Variants in SKAP2 observed in about 807,000 individuals in gnomAD.
SKAP2 encodes src kinase associated phosphoprotein 2.
Under a neutral mutation model 54.9 loss-of-function variants are expected in SKAP2, and 28 were observed. That is an observed-to-expected ratio of 0.51 (90% confidence interval 0.38 to 0.70). SKAP2 has a LOEUF of 0.70. Ranked by LOEUF, SKAP2 falls within the 30% of genes least tolerant of loss-of-function variation. The probability of loss-of-function intolerance (pLI) is 0.00; values close to 1 mark genes in which losing one functional copy is unlikely to be tolerated. For synonymous variants in SKAP2, 137 were observed against 134.3 expected (o/e 1.02, Z -0.14); for missense variants, 356 against 424.1 (o/e 0.84, Z 1.41).
At chr7:26,832,990 A>C (rs1784627402) in intron 4 of SKAP2, among the ~76,000 whole-genome samples, 1 of 152,298 alleles carries the variant, frequency 6.6e-6, no homozygotes, top group South Asian at 2.1e-4. Context: ...CCACTCTCTC[A>C]TTCTCTAAGC....
Position 26,738,216 on chromosome 7 carries a change from A to G in SKAP2, c.469+579T>C, listed in dbSNP as rs182020171. Among the ~76,000 whole-genome samples, 19 of 152,290 alleles carry G rather than the reference A, an allele frequency of 1.2e-4. No individual in the cohort carries two copies. The East Asian group carries it at 3.5e-3, about 28-fold the overall frequency. ...AACCTCTCTGTTCTCAGTTTTCCTA[A>G]AAGTCAAATTAATGGTGCTAATAAT... is the stretch of plus-strand genomic sequence containing the variant. On this transcript the variant is annotated intron_variant, in intron 6 of 12. Coordinates refer to ENST00000345317, the MANE Select transcript of SKAP2 (RefSeq NM_003930.5).
intron 9 of SKAP2, among the ~76,000 whole-genome samples, chr7:26,708,225 G>A (rs1787211210): frequency 6.6e-6 from 1 of 152,152 alleles, no homozygotes; most frequent in Non-Finnish European, 1.5e-5. Flanking sequence ...TATTACACTG[G>A]TCCCATCTCT....
chr7:26,692,520 C>G lies in SKAP2; in HGVS notation c.797-2158G>C, dbSNP rs183208176. On this transcript the variant is annotated intron_variant, in intron 9 of 12. Coordinates refer to ENST00000345317, the MANE Select transcript of SKAP2 (RefSeq NM_003930.5). ...TACTTACACGACAAATAGAACTGTT[C>G]TGAATTTCTGTAACTCAATTCAAAC... 5.5e-4 allele frequency among the ~76,000 whole-genome samples: 84 copies of G among 152,290 alleles called. 1 individual carries two copies. Among genetic ancestry groups the G allele is most frequent in the African/African-American group, 1.9e-3 (78 of 41,568 alleles).
At chr7:26,702,061 A>G (rs965498305) in intron 9 of SKAP2, among the ~76,000 whole-genome samples, 2 of 152,194 alleles carry the variant, frequency 1.3e-5, no homozygotes, top group Admixed American at 6.5e-5. Context: ...TCCACAATTA[A>G]AAGTGGACAC....
At chr7:26,800,041 A>G (rs6461976) in intron 4 of SKAP2, among the ~76,000 whole-genome samples, 50,438 of 151,604 alleles carry the variant, frequency 0.33, 8,578 homozygotes, top group Middle Eastern at 0.38. Context: ...GGAGAATGGC[A>G]TGAACCCAGG....
At chr7:26,828,375 T>C (rs1294061302) in intron 4 of SKAP2, among the ~76,000 whole-genome samples, 1 of 152,186 alleles carries the variant, frequency 6.6e-6, no homozygotes, top group Non-Finnish European at 1.5e-5. Flanking sequence ...AAGAGTTCAC[T>C]GAGCTTAAAA....
chr7:26,798,439 T>C (rs1584395768), intron 4 of SKAP2, among the ~76,000 whole-genome samples: 2 of 151,836 alleles, frequency 1.3e-5, no homozygotes, highest in African/African-American at 2.4e-5. Flanking sequence ...GTCCTTTAAA[T>C]AGGAGAATTG....
intron 4 of SKAP2, among the ~76,000 whole-genome samples, chr7:26,826,356 A>G (rs1000174282): frequency 1.3e-5 from 2 of 152,200 alleles, no homozygotes; most frequent in Non-Finnish European, 1.5e-5. Flanking sequence ...GGGAATACTC[A>G]TTACAGTTTG....
At chr7:26,790,933 C>T (rs756139653) in intron 4 of SKAP2, among the ~76,000 whole-genome samples, 71 of 151,926 alleles carry the variant, frequency 4.7e-4, no homozygotes, top group Non-Finnish European at 8.2e-4. Context: ...AAAAAACTGT[C>T]GATATTTTTA....
At chr7:26,792,504 CA>C (rs1783691267) in intron 4 of SKAP2, among the ~76,000 whole-genome samples, 3 of 151,698 alleles carry the variant, frequency 2.0e-5, no homozygotes, top group African/African-American at 4.8e-5. Context: ...GTCTAATGAA[CA>C]AAAAAACTTT....
intron 4 of SKAP2, among the ~76,000 whole-genome samples, chr7:26,813,698 C>T (rs531207088): frequency 6.6e-6 from 1 of 152,286 alleles, no homozygotes; most frequent in East Asian, 1.9e-4. Context: ...TCCTGATGAG[C>T]ACCATCACCA....
chr7:26,836,765 G>A lies in SKAP2; in HGVS notation c.307+7265C>T, dbSNP rs1171477181. On this transcript the variant is annotated intron_variant, in intron 4 of 12. Coordinates refer to ENST00000345317, the MANE Select transcript of SKAP2 (RefSeq NM_003930.5). ...GAGTGTAAATTAGTTCAACCATTGT[G>A]GAAGACAGTGTGACGATTCCTCAAG... Among the ~76,000 whole-genome samples the A allele has an allele frequency of 3.3e-5, 5 of 152,188 alleles. No homozygotes were observed. The East Asian group carries it at 9.6e-4, about 29-fold the overall frequency.
intron 9 of SKAP2, among the ~76,000 whole-genome samples, chr7:26,699,743 A>T (rs546494271): frequency 6.6e-6 from 1 of 152,334 alleles, no homozygotes; most frequent in African/African-American, 2.4e-5. Flanking sequence ...TGAGATCAAT[A>T]AGTTTAAGAA....
At chr7:26,846,346 G>A (rs1376261940) in intron 3 of SKAP2, among the ~76,000 whole-genome samples, 1 of 151,938 alleles carries the variant, frequency 6.6e-6, no homozygotes, top group East Asian at 1.9e-4. Flanking sequence ...TAAATTCTAG[G>A]TGGAAGTAAA....
intron 4 of SKAP2, among the ~76,000 whole-genome samples, chr7:26,798,915 G>A (rs1399085212): frequency 2.6e-5 from 4 of 151,656 alleles, no homozygotes; most frequent in Non-Finnish European, 5.9e-5. Flanking sequence ...AACATACAAC[G>A]GACACACAAG....
chr7:26,658,372 C>G, the SKAP2 span, among the ~76,000 whole-genome samples: 38 of 152,250 alleles, frequency 2.5e-4, no homozygotes, highest in Non-Finnish European at 2.9e-5. Context: ...GATCATTTTA[C>G]GTGGCAATTT....
At chr7:26,691,876 G>T (rs1265494807) in intron 9 of SKAP2, among the ~76,000 whole-genome samples, 1 of 152,164 alleles carries the variant, frequency 6.6e-6, no homozygotes, top group East Asian at 1.9e-4. Context: ...AGCTGGGTAG[G>T]AGTTACGCTC....
At chr7:26,777,239 A>C (rs1448541039) in intron 4 of SKAP2, among the ~76,000 whole-genome samples, 2 of 152,154 alleles carry the variant, frequency 1.3e-5, no homozygotes, top group Non-Finnish European at 2.9e-5. Flanking sequence ...TACCCTCCTG[A>C]ATACGACAGA....
intron 4 of SKAP2, among the ~76,000 whole-genome samples, chr7:26,829,242 G>A (rs1784555699): frequency 6.6e-6 from 1 of 152,030 alleles, no homozygotes; most frequent in South Asian, 2.1e-4. Context: ...AATAGGCCAG[G>A]TGCAGTGGCT....
Sources: allele counts gnomAD v4.1 joint callset (sites outside exome capture counted in the v4.1 genomes callset), GRCh38; gene constraint gnomAD v4.1.1; transcripts MANE v1.5; gene names NCBI Gene and HGNC (gene_info 2026-07-23, HGNC 2026-07-21).